Variants in ITGAE observed in about 807,000 individuals in gnomAD.
ITGAE encodes the protein integrin alpha-E.
Under a neutral mutation model 136.5 loss-of-function variants are expected in ITGAE, and 99 were observed. The ratio of observed to expected loss-of-function variants is 0.73; its 90% CI spans 0.62 to 0.86. ITGAE has a LOEUF of 0.86. ITGAE is among the 40% of genes least tolerant of loss of function. The probability of loss-of-function intolerance (pLI) is 0.00; values close to 1 mark genes in which losing one functional copy is unlikely to be tolerated. For synonymous variants in ITGAE, 613 were observed against 591.8 expected, an observed-to-expected ratio of 1.04 and a Z score of -0.52; for missense variants, 1,447 against 1,515.3, an observed-to-expected ratio of 0.95 and a Z score of 0.75.
At chr17:3,731,314 C>A in intron 22 of ITGAE, 131 bp from the exon 23 acceptor site, 1 of 635,614 alleles carries the variant, frequency 1.6e-6, no homozygotes, top group Non-Finnish European at 2.8e-6. Flanking sequence ...TTTTCTAACA[C>A]AGCATGTTTC....
At chr17:3,719,765 T>A (rs111609661) in intron 29 of ITGAE, among the ~76,000 whole-genome samples, 150 of 152,344 alleles carry the variant, frequency 9.8e-4, no homozygotes, top group Non-Finnish European at 1.8e-3. Context: ...TCTCACTCTA[T>A]CACTGAGGCT....
Position 3,750,368 on chromosome 17 carries a change from G to C in ITGAE, c.2008C>G (p.Gln670Glu). The C allele has an allele frequency of 6.2e-7, 1 of 1,614,134 alleles. No individual in the cohort carries two copies. The highest frequency in any genetic ancestry group is 8.5e-7 in the Non-Finnish European group (1 of 1,180,034). The change falls in exon 16 of 31, where the codon CAG becomes GAG. Residue 670 changes from glutamine (Q) to glutamate (E), a missense_variant. This residue lies in a region of ITGAE where 1,031 missense variants were observed against 1,011.4 expected (regional missense o/e 1.02). Coordinates refer to ENST00000263087, the MANE Select transcript of ITGAE (RefSeq NM_002208.5). Reference protein sequence around the residue: ...LADITVGTLGQAVVFRSRPVV... With the variant: ...LADITVGTLGEAVVFRSRPVV... The stretch of plus-strand genomic sequence containing the variant: ...GAACCCTACCGGAACACAACCGCCT[G>C]GCCCAGAGTGCCCACGGTGATGTCG...
chr17:3,782,339 TA>T (rs1342614218), intron 1 of ITGAE, among the ~76,000 whole-genome samples: 12 of 112,492 alleles, frequency 1.1e-4, no homozygotes, highest in South Asian at 6.7e-4. Flanking sequence ...CTTAAATCTC[TA>T]GTGTGTGTGT....
chr17:3,750,293 G>T, intron 16 of ITGAE, 59 bp downstream of exon 16: 1 of 1,600,176 alleles, frequency 6.2e-7, no homozygotes, highest in South Asian at 1.1e-5. Context: ...GAGCTATTTA[G>T]AGCAGGGCAA....
intron 1 of ITGAE, among the ~76,000 whole-genome samples, chr17:3,790,008 AT>A (rs1165281147): frequency 6.6e-6 from 1 of 152,184 alleles, no homozygotes; most frequent in Non-Finnish European, 1.5e-5. Flanking sequence ...TAACTTTACA[AT>A]TAGGCTGACA....
At chr17:3,749,392 A>G (rs1205814636) in intron 16 of ITGAE, among the ~76,000 whole-genome samples, 1 of 151,960 alleles carries the variant, frequency 6.6e-6, no homozygotes, top group African/African-American at 2.4e-5. Flanking sequence ...CGCTGGGACT[A>G]TAGGCGCCCG....
At chr17:3,781,357 CT>C (rs374966247) in intron 1 of ITGAE, among the ~76,000 whole-genome samples, 19 of 145,626 alleles carry the variant, frequency 1.3e-4, no homozygotes, top group South Asian at 2.2e-4. Context: ...TTCTTTCTTT[CT>C]TTTTTTTTTG....
intron 1 of ITGAE, among the ~76,000 whole-genome samples, chr17:3,792,780 T>A (rs955061611): frequency 1.3e-5 from 2 of 152,202 alleles, no homozygotes; most frequent in Non-Finnish European, 2.9e-5. Flanking sequence ...GATATCAACA[T>A]GAAAAAGATC....
intron 26 of ITGAE, chr17:3,725,574 G>A: frequency 1.4e-5 from 23 of 1,614,164 alleles, no homozygotes; most frequent in Non-Finnish European, 1.8e-5. Context: ...CCTCTTATCC[G>A]GTGAAGTGTG....
At chr17:3,737,245 A>G (rs549053406) in intron 20 of ITGAE, among the ~76,000 whole-genome samples, 2 of 152,330 alleles carry the variant, frequency 1.3e-5, no homozygotes, top group African/African-American at 4.8e-5. Flanking sequence ...GTGAGCCAAG[A>G]TCGCGCCACT....
chr17:3,748,049 G>A lies in ITGAE; in HGVS notation c.2028C>T (p.Ser676=), dbSNP rs2051761586. ...AGACCTTCAGGCGAACCACAGGCCG[G>A]GAGCTAAACAAGACAGCAAAGAGGA... The part of the protein sequence containing the change: ...GTLGQAVVFR[S]RPVVRLKVSM... The change falls in exon 17 of 31, where the codon TCC becomes TCT. Residue 676 remains serine (S), a synonymous_variant. Transcript: ENST00000263087. 5 of 1,610,458 alleles carry A rather than the reference G, an allele frequency of 3.1e-6. No individual in the cohort carries two copies. In the South Asian group the frequency reaches 5.5e-5, roughly 18 times the overall value.
chr17:3,781,349 CTTTCTTTCTTTTTTT>C (rs941419951), intron 1 of ITGAE, among the ~76,000 whole-genome samples: 3 of 149,658 alleles, frequency 2.0e-5, no homozygotes, highest in African/African-American at 7.4e-5. Flanking sequence ...TTTCTTTTTT[CTTTCTTTCTTTTTTT>C]TTTGAGATAA....
intron 19 of ITGAE, 30 bp from the exon 20 acceptor site, chr17:3,739,908 C>T (rs779273495): frequency 1.3e-6 from 2 of 1,575,606 alleles, no homozygotes; most frequent in South Asian, 1.1e-5. Context: ...CCCGATCAGC[C>T]CAGGCTCCGC....
intron 21 of ITGAE, among the ~76,000 whole-genome samples, chr17:3,733,996 T>C (rs1567519392): frequency 6.6e-6 from 1 of 152,204 alleles, no homozygotes; most frequent in Non-Finnish European, 1.5e-5. Context: ...TTGGTCAAAA[T>C]GACTTACACT....
In ITGAE at chr17:3,745,867, C is replaced by T. The variant is rs750974021; in HGVS notation, c.2216G>A (p.Arg739Gln). 5 of 1,614,024 alleles carry T rather than the reference C, an allele frequency of 3.1e-6. No individual in the cohort carries two copies. Among genetic ancestry groups the T allele is most frequent in the South Asian group, 2.2e-5 (2 of 91,076 alleles). Residue 739 changes from arginine (R) to glutamine (Q), a missense_variant, in exon 18 of 31, where the codon CGG (arginine) becomes CAG (glutamine). By Grantham distance (43) the Arg-to-Gln change is conservative. Coordinates refer to ENST00000263087, the MANE Select transcript of ITGAE (RefSeq NM_002208.5). ...LDVDVGKQRR[R>Q]LQCSDVRSCL... ...GCTTCTTACGTCTGAACACTGCAGC[C>T]GTCTCCTCTGCTTCCCCACATCCAC...
chr17:3,776,900 T>C lies in ITGAE; in HGVS notation c.155+640A>G, dbSNP rs956248587. Among the ~76,000 whole-genome samples, 7 of 152,050 alleles carry C rather than the reference T, an allele frequency of 4.6e-5. No individual in the cohort carries two copies. The South Asian group carries it at 8.3e-4, about 18-fold the overall frequency. On this transcript the variant is annotated intron_variant, in intron 2 of 30. Coordinates refer to ENST00000263087, the MANE Select transcript of ITGAE (RefSeq NM_002208.5). The stretch of plus-strand genomic sequence containing the variant: ...ATTTTTTGTTTCCAAATGTTCTATA[T>C]TGAACATGTGTTACTTCCATAAGGA...
At chr17:3,725,125 C>T in intron 26 of ITGAE, 1 of 1,614,212 alleles carries the variant, frequency 6.2e-7, no homozygotes, top group Non-Finnish European at 8.5e-7. Context: ...AAAATTGTGA[C>T]TGATGTGTCA....
intron 2 of ITGAE, among the ~76,000 whole-genome samples, chr17:3,767,581 C>G (rs185167764): frequency 1.1e-3 from 167 of 152,318 alleles, no homozygotes; most frequent in Non-Finnish European, 1.5e-3. Flanking sequence ...CTCCTTCCAT[C>G]ATCGTCCTGC....
chr17:3,798,203 G>T lies in ITGAE; in HGVS notation c.34+2908C>A, dbSNP rs1351054496. On this transcript the variant is annotated intron_variant, in intron 1 of 30. Transcript: ENST00000263087. The surrounding 1 kb of genome is among the most constrained non-coding windows in gnomAD (Gnocchi z 4.3). ...TTTGCTTGGGCTGCCCCTCTGCCTG[G>T]AGTGCCCCTTCCCTACCCCCGTGCT... 6.6e-6 allele frequency among the ~76,000 whole-genome samples: 1 copy of T among 152,156 alleles called. No individual in the cohort carries two copies. Among genetic ancestry groups the T allele is most frequent in the Admixed American group, 6.5e-5 (1 of 15,278 alleles).
Sources: gnomAD v4.1 joint callset for allele counts (sites outside exome capture counted in the v4.1 genomes callset) on GRCh38, gnomAD v4.1.1 for gene constraint, gnomAD v4.1.1 regional missense constraint, Gnocchi (gnomAD v3.1) non-coding constraint, MANE v1.5 for transcripts, NCBI Gene and HGNC (gene_info 2026-07-23, HGNC 2026-07-21) for gene names.